Variants in LEPROT observed in about 807,000 individuals in gnomAD.
LEPROT encodes leptin receptor gene-related protein.
In LEPROT, 3 loss-of-function variants were observed where a neutral mutation model predicts 15.4. The ratio of observed to expected loss-of-function variants is 0.19; its 90% CI spans 0.09 to 0.50. The LOEUF (loss-of-function observed/expected upper bound fraction) is 0.50, where lower values mean the gene tolerates loss of function less well. LEPROT is among the 20% of genes least tolerant of loss of function. LEPROT has a pLI of 0.97. For synonymous variants in LEPROT, 59 were observed against 57.5 expected (o/e 1.03, Z -0.12); for missense variants, 137 against 162.2 (o/e 0.84, Z 0.84).
chr1:65,429,797 A>C, intron 2 of LEPROT, 65 bp from the exon 3 acceptor site: 1 of 1,252,956 alleles, frequency 8.0e-7, no homozygotes, highest in Non-Finnish European at 1.1e-6. Flanking sequence ...AAATAGTAGT[A>C]TGTCTTTCAT....
Position 65,433,742 on chromosome 1 carries a change from C to T in LEPROT, c.*1823C>T, listed in dbSNP as rs537115453. The stretch of plus-strand genomic sequence containing the variant: ...TATTTAGATACTTTATAATTTTAAC[C>T]GGCATTTTTAATAATGACACTTGCA... On this transcript the variant is annotated 3_prime_UTR_variant, in exon 4 of 4. Coordinates refer to ENST00000371065, the MANE Select transcript of LEPROT (RefSeq NM_017526.5). 38 of 917,960 alleles carry T rather than the reference C, an allele frequency of 4.1e-5. No homozygotes were observed. Among genetic ancestry groups the T allele is most frequent in the South Asian group, 1.5e-4 (3 of 19,802 alleles). The allele number at this position is 917,960 out of a possible 1,614,324, so 56.9% of individuals were successfully genotyped here. A position where few individuals can be genotyped will look rare whatever the true frequency, so the allele number is the denominator to read the frequency against.
At chr1:65,422,447 C>T (rs1466008261) in intron 1 of LEPROT, among the ~76,000 whole-genome samples, 2 of 152,210 alleles carry the variant, frequency 1.3e-5, no homozygotes, top group African/African-American at 4.8e-5. Flanking sequence ...TTCAGAAGTC[C>T]AGCCTCCAGA....
chr1:65,430,663 C>T (rs940186528), intron 3 of LEPROT, among the ~76,000 whole-genome samples: 2 of 152,196 alleles, frequency 1.3e-5, no homozygotes, highest in Non-Finnish European at 2.9e-5. Context: ...TTATTTGAGG[C>T]ATTGAATATC....
At chr1:65,424,443 G>A (rs1488120579) in intron 1 of LEPROT, among the ~76,000 whole-genome samples, 1 of 152,194 alleles carries the variant, frequency 6.6e-6, no homozygotes, top group Non-Finnish European at 1.5e-5. Flanking sequence ...CTTCACTGGA[G>A]TTATGTGGAC....
chr1:65,429,463 T>C (rs926327640), intron 2 of LEPROT, among the ~76,000 whole-genome samples: 4 of 152,196 alleles, frequency 2.6e-5, no homozygotes, highest in African/African-American at 9.7e-5. Flanking sequence ...TATTCTAAGC[T>C]CTTAAAAGGT....
At position 65,431,828 on chromosome 1, in the gene LEPROT, T is replaced by G; in HGVS notation, c.305T>G (p.Val102Gly). The G allele has an allele frequency of 1.2e-6, 2 of 1,613,948 alleles. No homozygotes were observed. Among genetic ancestry groups the G allele is most frequent in the Non-Finnish European group, 1.7e-6 (2 of 1,179,874 alleles). The change falls in exon 4 of 4, where the codon GTG (valine) becomes GGG (glycine). Residue 102 changes from valine to glycine, a missense_variant. Transcript: ENST00000371065. ...ATCAAATGGGGAGCCTGCGGCCTTG[T>G]GTTGGCAGGCAATGCAGTCATTTTC... ...AVIKWGACGL[V>G]LAGNAVIFLT...
intron 2 of LEPROT, among the ~76,000 whole-genome samples, chr1:65,428,799 A>T (rs1270081890): frequency 6.6e-6 from 1 of 152,154 alleles, no homozygotes; most frequent in Non-Finnish European, 1.5e-5. Flanking sequence ...TGAAGTACTG[A>T]TAGAGAAAAT....
chr1:65,434,990 A>G lies in LEPROT; in HGVS notation c.*3071A>G, dbSNP rs1034344525. On this transcript the variant is annotated 3_prime_UTR_variant, in exon 4 of 4. Coordinates refer to ENST00000371065, the MANE Select transcript of LEPROT (RefSeq NM_017526.5). ...CTGCATTGGGCCGACTGCCATTCCC[A>G]TGACTGCTGCACCTGCGTTTTTAGA... 3.0e-6 allele frequency: 3 copies of G among 985,312 alleles called. No individual in the cohort carries two copies. The highest frequency in any genetic ancestry group is 3.5e-5 in the African/African-American group (2 of 57,230). 61.0% of individuals were successfully genotyped at this position (985,312 alleles called of 1,614,324 possible). A position where few individuals can be genotyped will look rare whatever the true frequency, so the allele number is the denominator to read the frequency against.
At chr1:65,425,027 T>C (rs992313473) in intron 1 of LEPROT, among the ~76,000 whole-genome samples, 1 of 152,238 alleles carries the variant, frequency 6.6e-6, no homozygotes, top group Non-Finnish European at 1.5e-5. Flanking sequence ...TGCTTGAATT[T>C]GGGACCTTTT....
At chr1:65,426,671 T>C (rs1646378241) in intron 2 of LEPROT, among the ~76,000 whole-genome samples, 1 of 152,124 alleles carries the variant, frequency 6.6e-6, no homozygotes, top group African/African-American at 2.4e-5. Flanking sequence ...CTTAGATGTC[T>C]CCCAGGTGAT....
At position 65,433,123 on chromosome 1, in the gene LEPROT, A is replaced by G; in HGVS notation, c.*1204A>G. 9.1e-6 allele frequency: 9 copies of G among 985,286 alleles called. No homozygotes were observed. The highest frequency in any genetic ancestry group is 1.1e-5 in the Non-Finnish European group (9 of 829,936). 61.0% of individuals were successfully genotyped at this position (985,286 alleles called of 1,614,324 possible). ...GAGAACAGATAGGTAACTCTTTTAC[A>G]TTTCCTTTATGATCTGGCACTTCTC... On this transcript the variant is annotated 3_prime_UTR_variant, in exon 4 of 4. Transcript: ENST00000371065.
chr1:65,426,182 T>A (rs1412900169), intron 2 of LEPROT, among the ~76,000 whole-genome samples: 4 of 152,062 alleles, frequency 2.6e-5, no homozygotes, highest in Admixed American at 2.6e-4. Context: ...CATACAGATC[T>A]CTAGGGAAAA....
rs1646535114 is a variant in LEPROT at position 65,434,720 on chromosome 1, C to T, written c.*2801C>T. ...TCCACTCATTTTCACCTCCTAATGC[C>T]CTTGAGATCCAGGTACACTCCTGGG... On this transcript the variant is annotated 3_prime_UTR_variant, in exon 4 of 4. Coordinates refer to ENST00000371065, the MANE Select transcript of LEPROT (RefSeq NM_017526.5). 1 of 985,400 alleles carries T rather than the reference C, an allele frequency of 1.0e-6. No homozygotes were observed. The highest frequency in any genetic ancestry group is 1.2e-6 in the Non-Finnish European group (1 of 829,964). 61.0% of individuals were successfully genotyped at this position (985,400 alleles called of 1,614,324 possible). A position where few individuals can be genotyped will look rare whatever the true frequency, so the allele number is the denominator to read the frequency against.
At chr1:65,430,846 T>A (rs1487480284) in intron 3 of LEPROT, among the ~76,000 whole-genome samples, 3 of 152,136 alleles carry the variant, frequency 2.0e-5, no homozygotes, top group African/African-American at 7.2e-5. Flanking sequence ...ATGATCAGAA[T>A]GCCATAGGGG....
At chr1:65,426,250 T>C (rs1283688811) in intron 2 of LEPROT, among the ~76,000 whole-genome samples, 1 of 134,140 alleles carries the variant, frequency 7.5e-6, no homozygotes, top group Non-Finnish European at 1.5e-5. Context: ...AAAGTGTATA[T>C]AGCCTTTTCA....
intron 1 of LEPROT, among the ~76,000 whole-genome samples, chr1:65,424,217 AC>A (rs1355622751): frequency 6.6e-6 from 1 of 152,238 alleles, no homozygotes; most frequent in Non-Finnish European, 1.5e-5. Context: ...TACAGGGAAT[AC>A]ATATTTTATT....
intron 1 of LEPROT, chr1:65,421,266 G>A (rs1191963223): frequency 6.9e-7 from 1 of 1,458,794 alleles, no homozygotes; most frequent in African/African-American, 1.4e-5. Context: ...CGCAGTCGTG[G>A]AGAGTAGATT....
intron 2 of LEPROT, among the ~76,000 whole-genome samples, chr1:65,429,250 G>A (rs1237140577): frequency 6.6e-6 from 1 of 152,148 alleles, no homozygotes; most frequent in Non-Finnish European, 1.5e-5. Flanking sequence ...AGATCATGGG[G>A]AAGGACATTG....
Position 65,432,497 on chromosome 1 carries a change from C to A in LEPROT, c.*578C>A. 1.6e-6 allele frequency: 1 copy of A among 613,016 alleles called. No homozygotes were observed. The highest frequency in any genetic ancestry group is 1.4e-4 in the East Asian group (1 of 7,164). 38.0% of individuals were successfully genotyped at this position (613,016 alleles called of 1,614,324 possible). On this transcript the variant is annotated 3_prime_UTR_variant, in exon 4 of 4. Transcript: ENST00000371065. The stretch of plus-strand genomic sequence containing the variant: ...CATCATCATAGAGAAGTAAACATCA[C>A]ACCCAACTTCCTTATCTTTCCAGTG...
Sources: gnomAD v4.1 joint callset for allele counts (sites outside exome capture counted in the v4.1 genomes callset) on GRCh38, gnomAD v4.1.1 for gene constraint, MANE v1.5 for transcripts, NCBI Gene and HGNC (gene_info 2026-07-23, HGNC 2026-07-21) for gene names.